The following TMEM132E variants were observed in gnomAD, a reference collection of about 807,000 sequenced individuals.
TMEM132E encodes the protein transmembrane protein 132E.
Under a neutral mutation model 78.5 loss-of-function variants are expected in TMEM132E, and 49 were observed. The ratio of observed to expected loss-of-function variants is 0.62; its 90% CI spans 0.50 to 0.79. TMEM132E has a LOEUF of 0.79. Among genes scored for constraint, TMEM132E ranks in the 30% least tolerant of loss-of-function variants. TMEM132E has a pLI of 0.00. For missense variants in TMEM132E, 1,403 were observed against 1,470.9 expected (o/e 0.95, Z 0.75); for synonymous variants, 715 against 670.6 (o/e 1.07, Z -1.02).
chr17:34,624,009 T>C (rs1907045999), intron 1 of TMEM132E, among the ~76,000 whole-genome samples: 1 of 152,198 alleles, frequency 6.6e-6, no homozygotes. Context: ...TAAGGGCTGC[T>C]CACGTCCTTC....
chr17:34,621,816 CTGTGTG>C (rs34320048), intron 1 of TMEM132E, among the ~76,000 whole-genome samples: 1 of 149,384 alleles, frequency 6.7e-6, no homozygotes, highest in Non-Finnish European at 1.5e-5. Flanking sequence ...AGGTGCCAGC[CTGTGTG>C]TGTGTGTGTG....
Position 34,638,257 on chromosome 17 carries a change from C to CA in TMEM132E, c.*25_*26insA. 2.5e-6 allele frequency: 2 copies of CA among 785,188 alleles called. No homozygotes were observed. The highest frequency in any genetic ancestry group is 3.5e-6 in the Non-Finnish European group (2 of 567,464). The allele number at this position is 785,188 out of a possible 1,614,324, so 48.6% of individuals were successfully genotyped here. ...GAGGCGCCAGCCGGAGTAGCAGGGA[C>CA]CCCCCCCCCCAACGGGGTCAGCTCG... On this transcript the variant is annotated 3_prime_UTR_variant, in exon 9 of 9. Transcript: ENST00000631683.
intron 1 of TMEM132E, among the ~76,000 whole-genome samples, chr17:34,617,576 G>C (rs2142072398): frequency 6.6e-6 from 1 of 152,336 alleles, no homozygotes; most frequent in Middle Eastern, 3.4e-3. Flanking sequence ...CACCAAGCGA[G>C]CAATTTGCTT....
chr17:34,580,931 C>T lies in TMEM132E; in HGVS notation c.-146C>T. On this transcript the variant is annotated 5_prime_UTR_variant, in exon 1 of 9. Transcript: ENST00000631683. ...GGACGCCCCCTCCCCGCAAAGTGTC[C>T]CCGAATTGCACTCTCTGGTCCCGGA... The T allele has an allele frequency of 1.9e-6, 1 of 529,830 alleles. No individual in the cohort carries two copies. The allele number at this position is 529,830 out of a possible 1,614,324, so 32.8% of individuals were successfully genotyped here.
At position 34,638,302 on chromosome 17, in the gene TMEM132E, C is replaced by T. The variant is rs1446783404; in HGVS notation, c.*70C>T. On this transcript the variant is annotated 3_prime_UTR_variant, in exon 9 of 9. Coordinates refer to ENST00000631683, the MANE Select transcript of TMEM132E (RefSeq NM_001304438.2). ...AGCTCGGGGTAGGACACAGCCGGGA[C>T]CCCGGTTCACACTGACTCTGGGCGG... is the stretch of plus-strand genomic sequence containing the variant. The T allele has an allele frequency of 7.1e-7, 1 of 1,402,284 alleles. No individual in the cohort carries two copies. The highest frequency in any genetic ancestry group is 1.5e-5 in the African/African-American group (1 of 68,540). 86.9% of individuals were successfully genotyped at this position (1,402,284 alleles called of 1,614,324 possible). A position where few individuals can be genotyped will look rare whatever the true frequency, so the allele number is the denominator to read the frequency against.
chr17:34,611,878 T>C (rs1166152846), intron 1 of TMEM132E, among the ~76,000 whole-genome samples: 1 of 152,116 alleles, frequency 6.6e-6, no homozygotes, highest in East Asian at 1.9e-4. Context: ...ACATTGCAGG[T>C]CTCTTTTCTG....
At chr17:34,612,543 C>T (rs1157514473) in intron 1 of TMEM132E, among the ~76,000 whole-genome samples, 1 of 152,242 alleles carries the variant, frequency 6.6e-6, no homozygotes, top group Non-Finnish European at 1.5e-5. Context: ...GAACAAATAT[C>T]TTCCCTTTTC....
chr17:34,623,224 T>C (rs1458634264), intron 1 of TMEM132E, among the ~76,000 whole-genome samples: 2 of 152,138 alleles, frequency 1.3e-5, no homozygotes, highest in Non-Finnish European at 2.9e-5. Context: ...ATCCCTTCCT[T>C]CATGCCCCTC....
chr17:34,583,071 G>A (rs1178416729), intron 1 of TMEM132E, among the ~76,000 whole-genome samples: 2 of 152,220 alleles, frequency 1.3e-5, no homozygotes, highest in Non-Finnish European at 1.5e-5. Context: ...CTTGGCCTTG[G>A]CCTCCTTTTT....
intron 1 of TMEM132E, among the ~76,000 whole-genome samples, chr17:34,601,484 A>G (rs1906237743): frequency 6.6e-6 from 1 of 152,132 alleles, no homozygotes; most frequent in Non-Finnish European, 1.5e-5. Context: ...TTTGTCCCCA[A>G]AGTCCCAGCC....
intron 1 of TMEM132E, among the ~76,000 whole-genome samples, chr17:34,581,842 C>G (rs1188025653): frequency 1.3e-5 from 2 of 151,996 alleles, no homozygotes; most frequent in Non-Finnish European, 2.9e-5. Context: ...AGGCTCGCCC[C>G]GGGCTCCGCG....
At position 34,637,675 on chromosome 17, in the gene TMEM132E, G is replaced by A. The variant is rs748031574; in HGVS notation, c.2668G>A (p.Gly890Ser). ...VPRGLTDLEI[G>S]MYALLGVFCL... is the part of the protein sequence containing the mutation. The stretch of plus-strand genomic sequence containing the variant: ...ACGGGGTCTGACAGACCTGGAGATC[G>A]GCATGTACGCGCTGCTGGGCGTCTT... Residue 890 changes from glycine to serine, a missense_variant, in exon 9 of 9, where the codon GGC becomes AGC. Physicochemically the swap from Gly to Ser is moderately conservative, Grantham distance 56. This residue lies in a region of TMEM132E where 888 missense variants were observed against 952.8 expected (regional missense o/e 0.93). Coordinates refer to ENST00000631683, the MANE Select transcript of TMEM132E (RefSeq NM_001304438.2). The A allele has an allele frequency of 1.9e-6, 3 of 1,610,460 alleles. No homozygotes were observed. The highest frequency in any genetic ancestry group is 2.2e-5 in the South Asian group (2 of 91,084).
chr17:34,598,742 G>A (rs879917363), intron 1 of TMEM132E, among the ~76,000 whole-genome samples: 6 of 152,232 alleles, frequency 3.9e-5, no homozygotes, highest in Non-Finnish European at 7.3e-5. Context: ...TACAAATGTT[G>A]AAATTACCTT....
chr17:34,638,617 T>G lies in TMEM132E; in HGVS notation c.*385T>G. On this transcript the variant is annotated 3_prime_UTR_variant, in exon 9 of 9. Coordinates refer to ENST00000631683, the MANE Select transcript of TMEM132E (RefSeq NM_001304438.2). Reference sequence around the variant, plus strand: ...TCCCGGGCCCGCCTCCCGTCCCCCGTGTCGTCCCCCTGTGCAGGGGGTTCT... The same window carrying G: ...TCCCGGGCCCGCCTCCCGTCCCCCGGGTCGTCCCCCTGTGCAGGGGGTTCT... 5.0e-6 allele frequency: 1 copy of G among 198,310 alleles called. No homozygotes were observed. The highest frequency in any genetic ancestry group is 1.2e-4 in the East Asian group (1 of 8,344). The allele number at this position is 198,310 out of a possible 1,614,324, so 12.3% of individuals were successfully genotyped here. A position where few individuals can be genotyped will look rare whatever the true frequency, so the allele number is the denominator to read the frequency against.
At chr17:34,581,591 G>T (rs1001182957) in intron 1 of TMEM132E, among the ~76,000 whole-genome samples, 22 of 151,916 alleles carry the variant, frequency 1.4e-4, no homozygotes, top group African/African-American at 5.3e-4. Context: ...GGGCCGCGCC[G>T]CCCGTCGCCT....
chr17:34,619,789 G>A (rs890026497), intron 1 of TMEM132E, among the ~76,000 whole-genome samples: 6 of 152,152 alleles, frequency 3.9e-5, no homozygotes, highest in Admixed American at 3.9e-4. Context: ...CTGTTGTTTT[G>A]TTTGCTCTGG....
In TMEM132E at chr17:34,626,835, G is replaced by T; in HGVS notation, c.776G>T (p.Arg259Leu). ...GGGGCCGGGCCCGGGGTGGGGGCCC[G>T]AGCGGAAAGCCCTACCCAGCACCCC... ...RRGAGPGVGA[R>L]AESPTQHPLL... The change falls in exon 2 of 9, where the codon CGA (arginine) becomes CTA (leucine). Residue 259 changes from arginine to leucine, a missense_variant. Around this residue, in one of 3 missense-constraint regions of TMEM132E, gnomAD observed 511 missense variants for 499.0 expected, o/e 1.02. Coordinates refer to ENST00000631683, the MANE Select transcript of TMEM132E (RefSeq NM_001304438.2). 1 of 1,568,260 alleles carries T rather than the reference G, an allele frequency of 6.4e-7. No homozygotes were observed.
At chr17:34,587,544 T>C (rs146143732) in intron 1 of TMEM132E, among the ~76,000 whole-genome samples, 60 of 152,252 alleles carry the variant, frequency 3.9e-4, no homozygotes, top group African/African-American at 1.4e-3. Context: ...GCCCAGAGAC[T>C]GAGGACCCCA....
intron 1 of TMEM132E, among the ~76,000 whole-genome samples, chr17:34,601,858 A>G (rs1204197033): frequency 1.3e-5 from 2 of 152,078 alleles, no homozygotes; most frequent in Admixed American, 6.5e-5. Flanking sequence ...GAGGGCCTCC[A>G]CAGCTGTCAT....
Sources: gnomAD v4.1 joint callset for allele counts (sites outside exome capture counted in the v4.1 genomes callset) on GRCh38, gnomAD v4.1.1 for gene constraint, gnomAD v4.1.1 regional missense constraint, MANE v1.5 for transcripts, NCBI Gene and HGNC (gene_info 2026-07-23, HGNC 2026-07-21) for gene names.